The following COL4A4 variants were observed in gnomAD, a reference collection of about 807,000 sequenced individuals.
COL4A4 encodes collagen type IV alpha 4 chain, also known as collagen alpha-4(IV) chain.
In COL4A4, 105 loss-of-function variants were observed where a neutral mutation model predicts 192.9. That is an observed-to-expected ratio of 0.54 (90% CI 0.46 to 0.64). COL4A4 has a LOEUF of 0.64. COL4A4 is among the 30% of genes least tolerant of loss of function. The pLI is 0.00. For synonymous variants in COL4A4, 762 were observed against 769.9 expected (o/e 0.99, Z 0.17); for missense variants, 1,967 against 2,169.3 (o/e 0.91, Z 1.85).
In COL4A4 at chr2:227,075,980, TAA is replaced by T. The variant is rs1372096555; in HGVS notation, c.1987+1912_1987+1913del. On this transcript the variant is annotated intron_variant, in intron 25 of 47. Transcript: ENST00000396625. Reference sequence around the variant, plus strand: ...AACTACAAACTACTGCTCAAAGAAATAAGAGAGGACACAAACAAATGGAAAAA... The same window carrying T: ...AACTACAAACTACTGCTCAAAGAAATGAGAGGACACAAACAAATGGAAAAA... 2.0e-5 allele frequency among the ~76,000 whole-genome samples: 3 copies of T among 152,038 alleles called. No individual in the cohort carries two copies. In the East Asian group the frequency reaches 5.8e-4, roughly 29 times the overall value.
intron 4 of COL4A4, among the ~76,000 whole-genome samples, chr2:227,122,674 A>G (rs968840201): frequency 6.6e-5 from 10 of 152,186 alleles, no homozygotes; most frequent in Non-Finnish European, 1.3e-4. Flanking sequence ...TCTGCTAGGC[A>G]GCCACCCTCC....
intron 13 of COL4A4, among the ~76,000 whole-genome samples, chr2:227,103,412 A>T (rs1277179087): frequency 6.6e-6 from 1 of 152,210 alleles, no homozygotes; most frequent in Non-Finnish European, 1.5e-5. Context: ...ACCACAGTGG[A>T]CCACGGAACC....
At chr2:227,155,574 G>T (rs1406518819) in intron 1 of COL4A4, among the ~76,000 whole-genome samples, 2 of 152,134 alleles carry the variant, frequency 1.3e-5, no homozygotes, top group Non-Finnish European at 2.9e-5. Context: ...TAGGGCTGGA[G>T]ACTCTATCTG....
At position 227,120,912 on chromosome 2, in the gene COL4A4, C is replaced by T. The variant is rs1474465283; in HGVS notation, c.327+102G>A. ...TGAGATCCCACCACTGCATTCTAGC[C>T]TGAGTGACAGAGTAAGACTGTCTAA... On this transcript the variant is annotated intron_variant, in intron 5 of 47. Coordinates refer to ENST00000396625, the MANE Select transcript of COL4A4 (RefSeq NM_000092.5). 8.1e-6 allele frequency: 12 copies of T among 1,486,600 alleles called. 1 individual carries two copies. In the Middle Eastern group the frequency reaches 7.1e-4, roughly 88 times the overall value. The allele number at this position is 1,486,600 out of a possible 1,614,324, so 92.1% of individuals were successfully genotyped here. A position where few individuals can be genotyped will look rare whatever the true frequency, so the allele number is the denominator to read the frequency against.
chr2:227,140,274 C>T (rs779564403), intron 3 of COL4A4, 36 bp from the exon 4 acceptor site: 13 of 1,574,282 alleles, frequency 8.3e-6, no homozygotes, highest in African/African-American at 8.1e-5. Flanking sequence ...TATACCAGTA[C>T]TCATCGTTTA....
rs768161234 is a variant in COL4A4, at chr2:227,051,010, C to A, written c.3117G>T (p.Gly1039=). The A allele has an allele frequency of 1.8e-5, 29 of 1,614,106 alleles. No homozygotes were observed. The highest frequency in any genetic ancestry group is 2.5e-5 in the Non-Finnish European group (29 of 1,180,046). Residue 1039 remains glycine (G), a synonymous_variant, in exon 33 of 48, where the codon GGG becomes GGT. Coordinates refer to ENST00000396625, the MANE Select transcript of COL4A4 (RefSeq NM_000092.5). ...PGPPGSTGLR[G]FIGFPGLPGD... ...CTGGAAGTCCTGGAAAACCAATGAA[C>A]CCTCTTAGACCAGTTGAGCCTGGAG...
At chr2:227,117,545 T>C (rs1026574811) in intron 7 of COL4A4, among the ~76,000 whole-genome samples, 1 of 152,030 alleles carries the variant, frequency 6.6e-6, no homozygotes, top group Admixed American at 6.6e-5. Flanking sequence ...AAAGGAAGAC[T>C]CGTGAGTGAC....
rs7567796 is a variant in COL4A4 at position 227,057,393 on chromosome 2, T to A, written c.2545+46A>T. 946,759 of 1,557,262 alleles carry A rather than the reference T, an allele frequency of 0.61. 289,893 individuals are homozygous for A. Among genetic ancestry groups the A allele is most frequent in the South Asian group, 0.75 (63,998 of 84,926 alleles). On this transcript the variant is annotated intron_variant, in intron 29 of 47. Coordinates refer to ENST00000396625, the MANE Select transcript of COL4A4 (RefSeq NM_000092.5). ...AGAGTAAAAGGGGAGCTTATTTAATTGTAAGTAGGGTAAGCCCCAGACCCT... is the reference window on the plus strand; with the variant it reads ...AGAGTAAAAGGGGAGCTTATTTAATAGTAAGTAGGGTAAGCCCCAGACCCT...
rs774368416 is a variant in COL4A4, at chr2:227,033,478, G to C, written c.3509C>G (p.Pro1170Arg). 11 of 1,612,836 alleles carry C rather than the reference G, an allele frequency of 6.8e-6. No homozygotes were observed. In the East Asian group the frequency reaches 2.5e-4, roughly 36 times the overall value. Residue 1170 changes from proline (P) to arginine (R), a missense_variant, in exon 38 of 48, where the codon CCC (proline) becomes CGC (arginine). Pro to Arg is a moderately radical substitution (Grantham distance 103, BLOSUM62 -2). Coordinates refer to ENST00000396625, the MANE Select transcript of COL4A4 (RefSeq NM_000092.5). ...GIPGPPGIKG[P>R]SGSPGLNGLH... Reference sequence around the variant, plus strand: ...GCCGTTCAGGCCAGGTGATCCGGAGGGACCTGAAAAACACCACAGGCCTGT... The same window carrying C: ...GCCGTTCAGGCCAGGTGATCCGGAGCGACCTGAAAAACACCACAGGCCTGT...
chr2:227,047,441 T>C, intron 35 of COL4A4, 34 bp downstream of exon 35: 1 of 1,513,360 alleles, frequency 6.6e-7, no homozygotes. Flanking sequence ...TAAACTACTT[T>C]TTTTGTTTTA....
At chr2:227,146,068 A>G (rs971480868) in intron 2 of COL4A4, among the ~76,000 whole-genome samples, 1 of 152,228 alleles carries the variant, frequency 6.6e-6, no homozygotes, top group Admixed American at 6.5e-5. Flanking sequence ...TCTCTATATA[A>G]TCTCATCAAG....
chr2:227,096,212 A>G (rs139376583), intron 19 of COL4A4, among the ~76,000 whole-genome samples: 6 of 152,284 alleles, frequency 3.9e-5, no homozygotes, highest in Non-Finnish European at 8.8e-5. Flanking sequence ...AAGCTACCAT[A>G]TTGTAAGGAA....
intron 20 of COL4A4, among the ~76,000 whole-genome samples, chr2:227,090,265 CA>C (rs1559595819): frequency 6.6e-6 from 1 of 151,926 alleles, no homozygotes; most frequent in East Asian, 1.9e-4. Flanking sequence ...AACAAATAAA[CA>C]AAAAAATGGA....
chr2:227,077,954 G>A lies in COL4A4; in HGVS notation c.1927C>T (p.His643Tyr). ...CCTGGGTGGCCTGGAACTCCTGGGT[G>A]GCCTCGCTCTCCTGGTGGACCAGGA... ...GFPGPPGERG[H>Y]PGVPGHPGVR... The change falls in exon 25 of 48, where the codon CAC becomes TAC. Residue 643 changes from histidine (H) to tyrosine (Y), a missense_variant. Physicochemically the swap from His to Tyr is moderately conservative, Grantham distance 83. Transcript: ENST00000396625. The A allele has an allele frequency of 6.2e-7, 1 of 1,613,786 alleles. No homozygotes were observed.
intron 25 of COL4A4, among the ~76,000 whole-genome samples, chr2:227,069,791 T>C (rs1411540612): frequency 2.0e-5 from 3 of 150,592 alleles, no homozygotes; most frequent in Non-Finnish European, 3.0e-5. Flanking sequence ...GGCATTACCA[T>C]TCAGGACATA....
the COL4A4 span, among the ~76,000 whole-genome samples, chr2:226,969,865 C>T: frequency 2.6e-5 from 4 of 152,196 alleles, no homozygotes. Context: ...TATTTAAACA[C>T]ACTGTATATC....
Position 227,111,592 on chromosome 2 carries a change from T to C in COL4A4, c.594+86A>G, listed in dbSNP as rs115350822. ...TGCACTAGGTGAGCCGCACAAATTA[T>C]GTAGCTGGCTTTGCTGGGATTAAAA... On this transcript the variant is annotated intron_variant, in intron 9 of 47. Transcript: ENST00000396625. The C allele has an allele frequency of 1.7e-3, 2,388 of 1,427,192 alleles. 50 individuals are homozygous for C. In the African/African-American group the frequency reaches 0.03, roughly 18 times the overall value. 88.4% of individuals were successfully genotyped at this position (1,427,192 alleles called of 1,614,324 possible). A position where few individuals can be genotyped will look rare whatever the true frequency, so the allele number is the denominator to read the frequency against.
At chr2:227,063,909 G>A (rs1216651260) in intron 25 of COL4A4, among the ~76,000 whole-genome samples, 1 of 151,864 alleles carries the variant, frequency 6.6e-6, no homozygotes, top group Non-Finnish European at 1.5e-5. Context: ...AGCAATTTTG[G>A]TATGTCAAAT....
the COL4A4 span, among the ~76,000 whole-genome samples, chr2:226,983,619 C>CA: frequency 1.3e-5 from 2 of 151,486 alleles, no homozygotes; most frequent in Non-Finnish European, 2.9e-5. Context: ...ACTGGCTTGT[C>CA]TTTTTTTTTC....
Sources: allele counts gnomAD v4.1 joint callset (sites outside exome capture counted in the v4.1 genomes callset), GRCh38; gene constraint gnomAD v4.1.1; transcripts MANE v1.5; gene names NCBI Gene and HGNC (gene_info 2026-07-23, HGNC 2026-07-21).